The following ERBB4 variants were observed in gnomAD, a reference collection of about 807,000 sequenced individuals.
The protein encoded by ERBB4 is receptor tyrosine-protein kinase erbB-4.
Under a neutral mutation model 158.0 loss-of-function variants are expected in ERBB4, and 42 were observed. The observed-to-expected ratio is 0.27, with a 90% CI of 0.21 to 0.34. The LOEUF is 0.34. ERBB4 is among the 10% of genes least tolerant of loss of function. The probability of loss-of-function intolerance (pLI) is 1.00; values close to 1 mark genes in which losing one functional copy is unlikely to be tolerated. For synonymous variants in ERBB4, 583 were observed against 558.7 expected (o/e 1.04, Z -0.61); for missense variants, 1,333 against 1,624.1 (o/e 0.82, Z 3.08).
intron 3 of ERBB4, among the ~76,000 whole-genome samples, chr2:211,847,912 G>A (rs1428155656): frequency 6.6e-6 from 1 of 152,140 alleles, no homozygotes; most frequent in South Asian, 2.1e-4. Flanking sequence ...GATATATGTG[G>A]TTATAGTAAT....
intron 14 of ERBB4, 26 bp from the exon 15 acceptor site, chr2:211,665,503 GAAA>G (rs752729008): frequency 1.2e-5 from 20 of 1,608,738 alleles, no homozygotes; most frequent in Non-Finnish European, 1.5e-5. Context: ...GAAAAAAAAA[GAAA>G]AAAGAAAAGT....
At chr2:212,351,248 C>A (rs2106341026) in intron 1 of ERBB4, among the ~76,000 whole-genome samples, 1 of 152,194 alleles carries the variant, frequency 6.6e-6, no homozygotes, top group Admixed American at 6.6e-5. Flanking sequence ...CAGGAAGACA[C>A]AGAAAGAAGG....
chr2:211,731,406 C>G (rs2074422129), intron 5 of ERBB4, among the ~76,000 whole-genome samples: 2 of 151,962 alleles, frequency 1.3e-5, no homozygotes, highest in Admixed American at 6.6e-5. Flanking sequence ...TACACTGTTT[C>G]CAGTTACATA....
chr2:211,956,163 C>T (rs184028237), intron 2 of ERBB4, among the ~76,000 whole-genome samples: 30 of 151,700 alleles, frequency 2.0e-4, no homozygotes, highest in African/African-American at 5.8e-4. Context: ...AAATATAATA[C>T]TGAGTTCAAT....
intron 2 of ERBB4, among the ~76,000 whole-genome samples, chr2:211,959,583 CAACTT>C (rs1189782174): frequency 6.6e-6 from 1 of 152,050 alleles, no homozygotes; most frequent in African/African-American, 2.4e-5. Flanking sequence ...TTCAAGTAAA[CAACTT>C]AATTATGAAA....
At chr2:212,182,852 C>T (rs1001243471) in intron 1 of ERBB4, among the ~76,000 whole-genome samples, 21 of 143,060 alleles carry the variant, frequency 1.5e-4, no homozygotes, top group African/African-American at 5.2e-4. Context: ...TACTCATCTT[C>T]TTTGCTCAGG....
At chr2:212,154,780 G>T (rs559860355) in intron 1 of ERBB4, among the ~76,000 whole-genome samples, 1 of 152,206 alleles carries the variant, frequency 6.6e-6, no homozygotes, top group South Asian at 2.1e-4. Flanking sequence ...CAGGAGAGCT[G>T]GGGAGAGTTA....
At chr2:212,316,976 T>C (rs557870410) in intron 1 of ERBB4, among the ~76,000 whole-genome samples, 1 of 151,680 alleles carries the variant, frequency 6.6e-6, no homozygotes, top group Non-Finnish European at 1.5e-5. Flanking sequence ...ATATTAAAGA[T>C]AACTAGATTA....
intron 19 of ERBB4, among the ~76,000 whole-genome samples, chr2:211,566,165 A>G (rs140355456): frequency 2.2e-3 from 337 of 152,320 alleles, no homozygotes; most frequent in Non-Finnish European, 4.0e-3. Context: ...AGAGAAGAGA[A>G]TTCAACATAG....
At chr2:211,920,924 T>C (rs1575379556) in intron 3 of ERBB4, among the ~76,000 whole-genome samples, 1 of 151,914 alleles carries the variant, frequency 6.6e-6, no homozygotes, top group East Asian at 1.9e-4. Context: ...ATATTTTGAA[T>C]TATGTTTATT....
At chr2:212,366,371 A>T (rs1046048857) in intron 1 of ERBB4, among the ~76,000 whole-genome samples, 2 of 152,146 alleles carry the variant, frequency 1.3e-5, no homozygotes, top group African/African-American at 4.8e-5. Context: ...GACTGCTTAC[A>T]CATCACAGAG....
intron 1 of ERBB4, among the ~76,000 whole-genome samples, chr2:212,307,669 A>T (rs901098213): frequency 2.6e-5 from 4 of 151,208 alleles, no homozygotes; most frequent in African/African-American, 9.7e-5. Context: ...GGTCCTTTCA[A>T]ATAAGAATTA....
At chr2:212,338,429 A>C (rs952996198) in intron 1 of ERBB4, among the ~76,000 whole-genome samples, 8 of 152,120 alleles carry the variant, frequency 5.3e-5, no homozygotes, top group African/African-American at 1.7e-4. Context: ...TGGCTGTTTT[A>C]ATTATCCATA....
intron 2 of ERBB4, among the ~76,000 whole-genome samples, chr2:212,107,240 G>A (rs2079257830): frequency 6.6e-6 from 1 of 152,220 alleles, no homozygotes; most frequent in Admixed American, 6.5e-5. Context: ...CGGGGGCAGA[G>A]CTGCCCAAGA....
intron 19 of ERBB4, among the ~76,000 whole-genome samples, chr2:211,601,712 C>T (rs573449168): frequency 6.6e-6 from 1 of 151,306 alleles, no homozygotes; most frequent in Non-Finnish European, 1.5e-5. Context: ...GGCAAACTAT[C>T]AAACAAGTAG....
intron 1 of ERBB4, among the ~76,000 whole-genome samples, chr2:212,415,099 T>C (rs1209948913): frequency 2.0e-5 from 3 of 152,172 alleles, no homozygotes; most frequent in Non-Finnish European, 4.4e-5. Flanking sequence ...CATAATCTCA[T>C]TGCAGTAGGT....
intron 16 of ERBB4, among the ~76,000 whole-genome samples, chr2:211,651,715 G>A (rs2070994583): frequency 6.6e-6 from 1 of 152,078 alleles, no homozygotes. Flanking sequence ...GGGAAGGGCT[G>A]GTTCATGACA....
At chr2:212,221,722 C>A (rs948103131) in intron 1 of ERBB4, among the ~76,000 whole-genome samples, 2 of 151,302 alleles carry the variant, frequency 1.3e-5, no homozygotes, top group African/African-American at 2.4e-5. Context: ...TCATAAAATT[C>A]TTTGCTTGTT....
intron 2 of ERBB4, among the ~76,000 whole-genome samples, chr2:212,102,284 T>C (rs41422148): frequency 0.088 from 13,315 of 151,726 alleles, 653 homozygotes; most frequent in Middle Eastern, 0.12. Context: ...ATATTTCTGC[T>C]GATTAAAACT....
Sources: gnomAD v4.1 joint callset for allele counts (sites outside exome capture counted in the v4.1 genomes callset) on GRCh38, gnomAD v4.1.1 for gene constraint, MANE v1.5 for transcripts, NCBI Gene and HGNC (gene_info 2026-07-23, HGNC 2026-07-21) for gene names.